The following CPQ variants were observed in gnomAD, a reference collection of about 807,000 sequenced individuals.
CPQ encodes carboxypeptidase Q.
A neutral mutation model predicts 45.7 loss-of-function variants in CPQ; 37 were observed. The observed-to-expected ratio is 0.81, with a 90% CI of 0.62 to 1.07. CPQ has a LOEUF of 1.07. Ranked by LOEUF, CPQ falls within the 50% of genes least tolerant of loss-of-function variation. The pLI is 0.00. For synonymous variants in CPQ, 186 were observed against 205.8 expected, an observed-to-expected ratio of 0.90 and a Z score of 0.82; for missense variants, 537 against 572.9, an observed-to-expected ratio of 0.94 and a Z score of 0.64.
intron 1 of CPQ, chr8:96,761,577 G>A (rs1049232392): frequency 6.6e-6 from 1 of 152,128 alleles, no homozygotes; most frequent in African/African-American, 2.4e-5. Context: ...GGACTAGAGT[G>A]GTAGTTCAAA....
At chr8:96,709,895 A>C (rs972089976) in intron 1 of CPQ, among the ~76,000 whole-genome samples, 1 of 152,146 alleles carries the variant, frequency 6.6e-6, no homozygotes, top group Non-Finnish European at 1.5e-5. Context: ...CACTGGCTTC[A>C]TAGAATGAGT....
At chr8:96,786,852 C>G (rs1484864133) in intron 2 of CPQ, among the ~76,000 whole-genome samples, 22 of 151,958 alleles carry the variant, frequency 1.4e-4, no homozygotes. Context: ...AATTCATTGC[C>G]CAGTTTTTAA....
chr8:96,651,158 A>G (rs1037448944), intron 1 of CPQ, among the ~76,000 whole-genome samples: 7 of 152,218 alleles, frequency 4.6e-5, no homozygotes, highest in African/African-American at 9.6e-5. Flanking sequence ...CCATTCAGCT[A>G]CCTTTACTGT....
intron 1 of CPQ, among the ~76,000 whole-genome samples, chr8:96,723,187 C>G (rs958424353): frequency 9.2e-5 from 14 of 151,896 alleles, no homozygotes; most frequent in African/African-American, 3.4e-4. Flanking sequence ...GTAAATAGGA[C>G]AAGGATTTTT....
chr8:97,119,877 C>T (rs1811668460), intron 7 of CPQ, among the ~76,000 whole-genome samples: 1 of 152,146 alleles, frequency 6.6e-6, no homozygotes, highest in African/African-American at 2.4e-5. Flanking sequence ...GCTGAGGTCA[C>T]CTGGCAGCTA....
intron 4 of CPQ, among the ~76,000 whole-genome samples, chr8:96,954,187 TA>T (rs1813314366): frequency 6.6e-6 from 1 of 152,162 alleles, no homozygotes; most frequent in African/African-American, 2.4e-5. Context: ...AATTAAATTT[TA>T]AAATACATGT....
chr8:96,719,680 C>T (rs1809736228), intron 1 of CPQ, among the ~76,000 whole-genome samples: 1 of 152,206 alleles, frequency 6.6e-6, no homozygotes, highest in Non-Finnish European at 1.5e-5. Context: ...AGCTGGCAGA[C>T]TTCTGTGAGG....
intron 7 of CPQ, among the ~76,000 whole-genome samples, chr8:97,119,062 C>T (rs1811647020): frequency 6.6e-6 from 1 of 152,084 alleles, no homozygotes; most frequent in Non-Finnish European, 1.5e-5. Flanking sequence ...GGCGTGGTGG[C>T]TCACACTTGT....
intron 7 of CPQ, among the ~76,000 whole-genome samples, chr8:97,077,064 T>C (rs1024351878): frequency 1.3e-5 from 2 of 152,198 alleles, no homozygotes; most frequent in African/African-American, 4.8e-5. Flanking sequence ...TATAGTACCG[T>C]ACTCTATTTA....
At chr8:97,120,566 T>G (rs1186120110) in intron 7 of CPQ, among the ~76,000 whole-genome samples, 1 of 152,232 alleles carries the variant, frequency 6.6e-6, no homozygotes, top group Non-Finnish European at 1.5e-5. Context: ...TAAAATCTCA[T>G]TGTTAGAAAT....
At chr8:96,751,405 T>A (rs1280553120) in intron 1 of CPQ, among the ~76,000 whole-genome samples, 5 of 152,256 alleles carry the variant, frequency 3.3e-5, no homozygotes, top group Non-Finnish European at 5.9e-5. Context: ...AAGCTTTTTT[T>A]AATATACTTG....
intron 6 of CPQ, among the ~76,000 whole-genome samples, chr8:97,033,295 G>A (rs977517041): frequency 2.0e-5 from 3 of 152,134 alleles, no homozygotes; most frequent in Non-Finnish European, 4.4e-5. Context: ...ATAGCTGATG[G>A]ACCAAATCCA....
chr8:97,031,332 G>A (rs576211741), intron 6 of CPQ, among the ~76,000 whole-genome samples: 5 of 151,900 alleles, frequency 3.3e-5, no homozygotes, highest in South Asian at 4.2e-4. Flanking sequence ...GACTCCAGGC[G>A]TGTGCCACCA....
intron 4 of CPQ, among the ~76,000 whole-genome samples, chr8:96,896,330 C>T (rs757079864): frequency 3.4e-4 from 51 of 152,078 alleles, no homozygotes; most frequent in Admixed American, 2.0e-3. Flanking sequence ...AGCCAGTAGT[C>T]CTTGAATCTG....
intron 6 of CPQ, among the ~76,000 whole-genome samples, chr8:97,038,192 A>C (rs1426795242): frequency 6.6e-6 from 1 of 152,200 alleles, no homozygotes; most frequent in African/African-American, 2.4e-5. Flanking sequence ...TTACTAACCT[A>C]AGTAAAACAA....
At chr8:96,940,183 A>G (rs1813106267) in intron 4 of CPQ, among the ~76,000 whole-genome samples, 1 of 152,274 alleles carries the variant, frequency 6.6e-6, no homozygotes, top group Non-Finnish European at 1.5e-5. Context: ...ATTTAAAAAT[A>G]ATTAATACAT....
intron 1 of CPQ, among the ~76,000 whole-genome samples, chr8:96,740,706 A>G (rs1250496517): frequency 5.9e-5 from 9 of 152,246 alleles, no homozygotes; most frequent in Non-Finnish European, 1.2e-4. Flanking sequence ...CCTTTTATGC[A>G]TCTATTGAGA....
At chr8:96,822,608 C>T (rs1208149387) in intron 2 of CPQ, among the ~76,000 whole-genome samples, 1 of 151,962 alleles carries the variant, frequency 6.6e-6, no homozygotes, top group Non-Finnish European at 1.5e-5. Flanking sequence ...TCACCATGGC[C>T]CAGGAGGTCC....
rs1301017691 is a variant in CPQ, at chr8:97,020,565, G to A, written c.962-8838G>A. ...ATATTACAACTGACACCACAGAAATGCAAAAGGTCATTCAAGGGTACTATG... is the reference window on the plus strand; with the variant it reads ...ATATTACAACTGACACCACAGAAATACAAAAGGTCATTCAAGGGTACTATG... On this transcript the variant is annotated intron_variant, in intron 5 of 7. Transcript: ENST00000220763. Among the ~76,000 whole-genome samples, 3 of 152,036 alleles carry A rather than the reference G, an allele frequency of 2.0e-5. No individual in the cohort carries two copies. The East Asian group carries it at 5.8e-4, about 29-fold the overall frequency.
Sources: gnomAD v4.1 joint callset for allele counts (sites outside exome capture counted in the v4.1 genomes callset) on GRCh38, gnomAD v4.1.1 for gene constraint, MANE v1.5 for transcripts, NCBI Gene and HGNC (gene_info 2026-07-23, HGNC 2026-07-21) for gene names.